FRY: variants seen among roughly 807,000 people sequenced by gnomAD.
FRY encodes the protein protein furry homolog.
FRY carries 128 observed loss-of-function variants against 348.4 expected under a neutral mutation model. The ratio of observed to expected loss-of-function variants is 0.37; its 90% CI spans 0.32 to 0.43. The LOEUF (loss-of-function observed/expected upper bound fraction) is 0.43. FRY is among the 20% of genes least tolerant of loss of function. The pLI is 1.00. For missense variants in FRY, 2,736 were observed against 3,695.2 expected, an observed-to-expected ratio of 0.74 and a Z score of 6.73; for synonymous variants, 1,370 against 1,374.7, an observed-to-expected ratio of 1.00 and a Z score of 0.08.
intron 29 of FRY, among the ~76,000 whole-genome samples, chr13:32,197,550 T>G (rs1883746895): frequency 6.6e-6 from 1 of 152,220 alleles, no homozygotes; most frequent in Admixed American, 6.5e-5. Context: ...TGTGTGTTCT[T>G]GAACAAGTTA....
Position 32,155,633 on chromosome 13 carries a change from CACTA to C in FRY, c.1626_1629del (p.Thr543LysfsTer6). The C allele has an allele frequency of 6.2e-7, 1 of 1,613,390 alleles. No homozygotes were observed. Among genetic ancestry groups the C allele is most frequent in the Non-Finnish European group, 8.5e-7 (1 of 1,179,600 alleles). On this transcript the variant is annotated frameshift_variant, in exon 15 of 61. Transcript: ENST00000542859. LOFTEE classifies it high-confidence loss of function. ...GTAAAGAAAACATATTTGAGTAAAA[CACTA>C]ACTGAAGAGGAAGCCAAAATGATAG... is the stretch of plus-strand genomic sequence containing the variant.
At chr13:32,054,891 A>G (rs1035587692) in intron 1 of FRY, among the ~76,000 whole-genome samples, 2 of 152,202 alleles carry the variant, frequency 1.3e-5, no homozygotes, top group Non-Finnish European at 2.9e-5. Flanking sequence ...ACATAAATAA[A>G]TAAATAAAGA....
In FRY at chr13:32,146,456, C is replaced by T. The variant is rs1227623133; in HGVS notation, c.1180-826C>T. Among the ~76,000 whole-genome samples the T allele has an allele frequency of 2.6e-5, 4 of 152,298 alleles. No individual in the cohort carries two copies. In the Middle Eastern group the frequency reaches 0.014, roughly 518 times the overall value. The stretch of plus-strand genomic sequence containing the variant: ...GGTTCAAGCAGTTCTCTGCCTCAGC[C>T]TCCCAAGTAGCTGGGATTACAGGCA... On this transcript the variant is annotated intron_variant, in intron 11 of 60. Transcript: ENST00000542859.
intron 23 of FRY, 30 bp from the exon 24 acceptor site, chr13:32,182,947 A>C: frequency 1.4e-6 from 2 of 1,450,104 alleles, no homozygotes; most frequent in Middle Eastern, 1.8e-4. Context: ...AAAAACAATG[A>C]ATTTCAAATT....
chr13:32,172,182 G>A (rs547234054), intron 18 of FRY, among the ~76,000 whole-genome samples: 76 of 152,186 alleles, frequency 5.0e-4, no homozygotes, highest in Non-Finnish European at 1.0e-3. Context: ...GGATGTGGGT[G>A]TGGGTGTGGA....
chr13:32,190,494 A>C (rs929571412), intron 28 of FRY, among the ~76,000 whole-genome samples: 2 of 152,150 alleles, frequency 1.3e-5, no homozygotes, highest in African/African-American at 2.4e-5. Flanking sequence ...ATTAAAAATC[A>C]ATTATATTTC....
At chr13:32,033,331 C>A (rs1244488974) in intron 1 of FRY, among the ~76,000 whole-genome samples, 1 of 152,188 alleles carries the variant, frequency 6.6e-6, no homozygotes, top group Admixed American at 6.5e-5. Flanking sequence ...TGAAAAAACT[C>A]ACTTTTGAGT....
intron 1 of FRY, among the ~76,000 whole-genome samples, chr13:32,043,263 A>G (rs1449933788): frequency 6.6e-6 from 1 of 152,202 alleles, no homozygotes; most frequent in Non-Finnish European, 1.5e-5. Context: ...CCCTCCCACA[A>G]CATGTGGGAA....
At chr13:32,115,451 C>A (rs894087683) in intron 3 of FRY, among the ~76,000 whole-genome samples, 1 of 152,120 alleles carries the variant, frequency 6.6e-6, no homozygotes, top group African/African-American at 2.4e-5. Context: ...GGGGATTCAG[C>A]CTCCCCATAC....
chr13:32,133,764 C>CTTTTTTTTTTTTTTTTTTTTT (rs1259372646), intron 8 of FRY, among the ~76,000 whole-genome samples: 2 of 108,480 alleles, frequency 1.8e-5, no homozygotes, highest in Non-Finnish European at 2.0e-5. Flanking sequence ...TTCTTTCTTT[C>CTTTTTTTTTTTTTTTTTTTTT]TTTCTTTTTT....
intron 51 of FRY, among the ~76,000 whole-genome samples, chr13:32,256,438 G>T (rs1406371055): frequency 6.6e-6 from 1 of 152,010 alleles, no homozygotes; most frequent in Non-Finnish European, 1.5e-5. Context: ...GGGAGGCTGA[G>T]GTGGGAATAT....
intron 46 of FRY, among the ~76,000 whole-genome samples, chr13:32,241,407 A>G (rs1379490841): frequency 1.3e-5 from 2 of 152,236 alleles, no homozygotes; most frequent in African/African-American, 4.8e-5. Flanking sequence ...GGACAAAAGG[A>G]CAAATATGAC....
At chr13:32,075,140 C>A (rs1043002441) in intron 1 of FRY, among the ~76,000 whole-genome samples, 1 of 152,138 alleles carries the variant, frequency 6.6e-6, no homozygotes, top group African/African-American at 2.4e-5. Flanking sequence ...AGATTTAATT[C>A]TTGAGAGCTA....
intron 11 of FRY, among the ~76,000 whole-genome samples, chr13:32,139,296 AAGTG>A (rs1879909128): frequency 6.6e-6 from 1 of 152,196 alleles, no homozygotes; most frequent in South Asian, 2.1e-4. Flanking sequence ...ACCATTTCAT[AAGTG>A]ACCACCAAAC....
chr13:32,188,087 G>T (rs994387933), intron 28 of FRY, among the ~76,000 whole-genome samples: 1 of 152,088 alleles, frequency 6.6e-6, no homozygotes, highest in South Asian at 2.1e-4. Flanking sequence ...TGTAAGTAAA[G>T]CCTTTCTTAG....
At chr13:32,037,559 T>C (rs1465102163) in intron 1 of FRY, among the ~76,000 whole-genome samples, 1 of 152,198 alleles carries the variant, frequency 6.6e-6, no homozygotes, top group East Asian at 1.9e-4. Context: ...TGCCTGCTCT[T>C]GAATGCTGCT....
chr13:32,057,431 C>G lies in FRY; in HGVS notation c.71-21403C>G, dbSNP rs111803326. On this transcript the variant is annotated intron_variant, in intron 1 of 60. Transcript: ENST00000542859. Reference sequence around the variant, plus strand: ...AGGTGATCCACCCACCTCGGCCTTCCAAAGGGCTGGGATTATAGGCATGAG... The same window carrying G: ...AGGTGATCCACCCACCTCGGCCTTCGAAAGGGCTGGGATTATAGGCATGAG... Among the ~76,000 whole-genome samples, 587 of 152,190 alleles carry G rather than the reference C, an allele frequency of 3.9e-3. 3 individuals are homozygous for G. Among genetic ancestry groups the G allele is most frequent in the African/African-American group, 0.014 (565 of 41,510 alleles).
At chr13:32,078,422 CAG>C (rs1309654462) in intron 1 of FRY, among the ~76,000 whole-genome samples, 1 of 152,288 alleles carries the variant, frequency 6.6e-6, no homozygotes, top group Non-Finnish European at 1.5e-5. Flanking sequence ...GCACAGAACA[CAG>C]AGAGCTCTTG....
intron 17 of FRY, among the ~76,000 whole-genome samples, chr13:32,169,181 G>A (rs1271284944): frequency 6.6e-6 from 1 of 152,186 alleles, no homozygotes; most frequent in Non-Finnish European, 1.5e-5. Flanking sequence ...CTTTGGGTCA[G>A]GCCCTCACCA....
Sources: gnomAD v4.1 joint callset for allele counts (sites outside exome capture counted in the v4.1 genomes callset) on GRCh38, gnomAD v4.1.1 for gene constraint, MANE v1.5 for transcripts, NCBI Gene and HGNC (gene_info 2026-07-23, HGNC 2026-07-21) for gene names.